GLYATL2: variants seen among roughly 807,000 people sequenced by gnomAD.
The protein encoded by GLYATL2 is glycine-N-acyltransferase like 2.
GLYATL2 carries 25 observed loss-of-function variants against 21.4 expected under a neutral mutation model. The observed-to-expected ratio is 1.17, with a 90% CI of 0.85 to 1.63. The LOEUF (loss-of-function observed/expected upper bound fraction) is 1.63. Among genes scored for constraint, GLYATL2 ranks in the 40% most tolerant of loss-of-function variants. GLYATL2 has a pLI of 0.00. For synonymous variants in GLYATL2, 114 were observed against 118.2 expected, an observed-to-expected ratio of 0.96 and a Z score of 0.23; for missense variants, 361 against 343.3, an observed-to-expected ratio of 1.05 and a Z score of -0.41.
chr11:58,886,859 G>A (rs1325786513), intron 1 of GLYATL2, among the ~76,000 whole-genome samples: 1 of 152,164 alleles, frequency 6.6e-6, no homozygotes, highest in Non-Finnish European at 1.5e-5. Flanking sequence ...TGCACATTGG[G>A]TCAGGATTGG....
intron 1 of GLYATL2, among the ~76,000 whole-genome samples, chr11:58,898,681 A>G (rs970557640): frequency 6.6e-6 from 1 of 151,884 alleles, no homozygotes; most frequent in African/African-American, 2.4e-5. Context: ...TAAAAATACA[A>G]AAAATTAGCC....
Position 58,834,766 on chromosome 11 carries a change from C to G in GLYATL2, c.548G>C (p.Gly183Ala), listed in dbSNP as rs1565086026. 6 of 1,613,894 alleles carry G rather than the reference C, an allele frequency of 3.7e-6. No individual in the cohort carries two copies. The Middle Eastern group carries it at 5.0e-4, about 133-fold the overall frequency. The stretch of plus-strand genomic sequence containing the variant: ...ATATTTCAAGCTCCTCTCATTTTTC[C>G]CAAAGGCCCAGTGTTCATTCACAAG... ...AGLVNEHWAF[G>A]KNERSLKYIE... The change falls in exon 6 of 6, where the codon GGG becomes GCG. Residue 183 changes from glycine (G) to alanine (A), a missense_variant. Physicochemically the swap from Gly to Ala is moderately conservative, Grantham distance 60. Coordinates refer to ENST00000287275, the MANE Select transcript of GLYATL2 (RefSeq NM_145016.4).
At chr11:58,890,124 A>G (rs1416031051) in intron 1 of GLYATL2, among the ~76,000 whole-genome samples, 2 of 152,090 alleles carry the variant, frequency 1.3e-5, no homozygotes, top group Non-Finnish European at 2.9e-5. Context: ...AGTAGTCCAC[A>G]GTGTCTATTG....
upstream of GLYATL2, among the ~76,000 whole-genome samples, chr11:58,846,072 G>A (rs1853637201): frequency 1.3e-5 from 2 of 152,086 alleles, no homozygotes. Flanking sequence ...AGTTTATAGA[G>A]TTATACAGTA....
upstream of GLYATL2, among the ~76,000 whole-genome samples, chr11:58,906,386 G>A (rs1006199584): frequency 1.3e-5 from 2 of 152,168 alleles, no homozygotes; most frequent in Non-Finnish European, 2.9e-5. Flanking sequence ...TGCACCCATA[G>A]AATGAGACCA....
Position 58,855,843 on chromosome 11 carries a change from G to A in GLYATL2, n.61-17475C>T, listed in dbSNP as rs549335491. ...TTGCACTTTTATGTTATGAAAATGG[G>A]CCAGGTGTGGTGGCTCATGCCTGTA... On this transcript the variant is annotated intron_variant and non_coding_transcript_variant, in intron 1 of 4. Transcript: ENST00000533636. Among the ~76,000 whole-genome samples, 291 of 152,290 alleles carry A rather than the reference G, an allele frequency of 1.9e-3. 1 individual carries two copies. The highest frequency in any genetic ancestry group is 6.6e-3 in the African/African-American group (275 of 41,560).
At chr11:58,854,691 A>AGT (rs1289555654) in intron 1 of GLYATL2, among the ~76,000 whole-genome samples, 2 of 4,356 alleles carry the variant, frequency 4.6e-4, no homozygotes, top group Non-Finnish European at 0.042. Context: ...ATTTGTCTGA[A>AGT]ATCAAAATGC....
chr11:58,900,028 T>C (rs1854709095), intron 1 of GLYATL2, among the ~76,000 whole-genome samples: 1 of 151,776 alleles, frequency 6.6e-6, no homozygotes, highest in African/African-American at 2.4e-5. Context: ...TGGGGGGAGA[T>C]CGAAACCATG....
rs571429875 is a variant in GLYATL2 at position 58,867,006 on chromosome 11, A to C, written n.61-28638T>G. Among the ~76,000 whole-genome samples, 9 of 149,022 alleles carry C rather than the reference A, an allele frequency of 6.0e-5. 1 individual carries two copies. In the East Asian group the frequency reaches 1.6e-3, roughly 26 times the overall value. ...ATAATGAAGGATATTGATATGAAAG[A>C]AGCAGCCCAGAGGCCCTTGACACAT... On this transcript the variant is annotated intron_variant and non_coding_transcript_variant, in intron 1 of 4. Coordinates refer to the GLYATL2 transcript ENST00000533636.
At chr11:58,838,181 C>T in intron 3 of GLYATL2, 80 bp downstream of exon 3, 1 of 905,444 alleles carries the variant, frequency 1.1e-6, no homozygotes, top group East Asian at 2.5e-5. Context: ...CTCACCACTC[C>T]TCAGTTTCAG....
rs780780737 is a variant in GLYATL2, at chr11:58,834,630, A to C, written c.684T>G (p.Thr228=). Residue 228 remains threonine (T), a synonymous_variant, in exon 6 of 6, where the codon ACT becomes ACG. Transcript: ENST00000287275. The part of the protein sequence containing the change: ...EQSCELRMGY[T]VPKYRHQGNM... ...TGCCTTGGTGTCTGTATTTGGGGAC[A>C]GTATAACCCATTCTCAACTCACAGG... 6.2e-7 allele frequency: 1 copy of C among 1,613,464 alleles called. No individual in the cohort carries two copies. Among genetic ancestry groups the C allele is most frequent in the Non-Finnish European group, 8.5e-7 (1 of 1,179,814 alleles).
At chr11:58,882,423 G>T (rs1854355763) in intron 1 of GLYATL2, among the ~76,000 whole-genome samples, 2 of 152,090 alleles carry the variant, frequency 1.3e-5, no homozygotes, top group Non-Finnish European at 2.9e-5. Context: ...CTTTTTGATG[G>T]GGTTGTTTGA....
At chr11:58,864,823 T>C (rs1421529073) in intron 1 of GLYATL2, among the ~76,000 whole-genome samples, 1 of 149,258 alleles carries the variant, frequency 6.7e-6, no homozygotes, top group Non-Finnish European at 1.5e-5. Context: ...GACATTTTGC[T>C]GATGTCTAGT....
At chr11:58,894,872 G>C (rs959186172) in intron 1 of GLYATL2, among the ~76,000 whole-genome samples, 2 of 152,196 alleles carry the variant, frequency 1.3e-5, no homozygotes, top group African/African-American at 2.4e-5. Context: ...AATTTCAAAG[G>C]GTGGAAAATT....
chr11:58,891,729 C>T (rs1854547576), intron 1 of GLYATL2, among the ~76,000 whole-genome samples: 1 of 152,192 alleles, frequency 6.6e-6, no homozygotes, highest in South Asian at 2.1e-4. Flanking sequence ...AACACAGACT[C>T]AGTATAACCC....
At position 58,837,075 on chromosome 11, in the gene GLYATL2, T is replaced by C. The variant is rs760221908; in HGVS notation, c.416A>G (p.Lys139Arg). The change falls in exon 5 of 6, where the codon AAG (lysine) becomes AGG (arginine). Residue 139 changes from lysine to arginine, a missense_variant. Lys to Arg is a conservative substitution (Grantham distance 26). Coordinates refer to ENST00000287275, the MANE Select transcript of GLYATL2 (RefSeq NM_145016.4). ...KTILFIPELP[K>R]KHKTSSNDKM... ...GTCATTACTTGAGGTCTTGTGTTTC[T>C]TTGGTAATTCCGGTATAAAGAGGAT... The C allele has an allele frequency of 2.5e-6, 4 of 1,613,820 alleles. No homozygotes were observed. In the African/African-American group the frequency reaches 4.0e-5, roughly 16 times the overall value.
upstream of GLYATL2, among the ~76,000 whole-genome samples, chr11:58,848,926 A>G (rs1853690422): frequency 6.6e-6 from 1 of 152,224 alleles, no homozygotes; most frequent in Non-Finnish European, 1.5e-5. Context: ...CCAAAGGTCA[A>G]GGAGAAAGAA....
chr11:58,882,944 T>C (rs2134613800), intron 1 of GLYATL2, among the ~76,000 whole-genome samples: 1 of 152,320 alleles, frequency 6.6e-6, no homozygotes. Flanking sequence ...TGCCATGCTG[T>C]TTTGGTTACT....
At chr11:58,860,987 G>C (rs1056235869) in intron 1 of GLYATL2, among the ~76,000 whole-genome samples, 1 of 152,026 alleles carries the variant, frequency 6.6e-6, no homozygotes, top group Non-Finnish European at 1.5e-5. Context: ...ATGCTGTTGA[G>C]ATTAGTTTGC....
Sources: gnomAD v4.1 joint callset for allele counts (sites outside exome capture counted in the v4.1 genomes callset) on GRCh38, gnomAD v4.1.1 for gene constraint, MANE v1.5 for transcripts, NCBI Gene and HGNC (gene_info 2026-07-23, HGNC 2026-07-21) for gene names.